Variants in CCDC169 observed in about 807,000 individuals in gnomAD.
CCDC169 encodes coiled-coil domain containing 169, also known as coiled-coil domain-containing protein 169.
Under a neutral mutation model 36.0 loss-of-function variants are expected in CCDC169, and 30 were observed. That is an observed-to-expected ratio of 0.83 (90% confidence interval 0.62 to 1.13). CCDC169 has a LOEUF of 1.13. CCDC169 is among the 50% of genes most tolerant of loss of function. CCDC169 has a pLI of 0.00. For missense variants in CCDC169, 245 were observed against 245.9 expected (o/e 1.00, Z 0.03); for synonymous variants, 85 against 81.5 (o/e 1.04, Z -0.23).
intron 4 of CCDC169, among the ~76,000 whole-genome samples, chr13:36,263,140 A>G (rs751168651): frequency 1.3e-5 from 2 of 152,150 alleles, no homozygotes; most frequent in Non-Finnish European, 2.9e-5. Context: ...TTTCAAGGCT[A>G]TAGTATGTGT....
intron 7 of CCDC169, among the ~76,000 whole-genome samples, chr13:36,234,526 C>T (rs904526817): frequency 4.6e-5 from 7 of 152,036 alleles, no homozygotes; most frequent in African/African-American, 1.7e-4. Context: ...CCAGACACAT[C>T]ATAATAAAAC....
intron 2 of CCDC169, among the ~76,000 whole-genome samples, chr13:36,286,596 C>A (rs1361348690): frequency 6.6e-6 from 1 of 152,080 alleles, no homozygotes; most frequent in Non-Finnish European, 1.5e-5. Context: ...CTTTGTGCAC[C>A]CTGATCTCTT....
intron 4 of CCDC169, among the ~76,000 whole-genome samples, chr13:36,258,714 C>T (rs2138504390): frequency 6.7e-6 from 1 of 150,222 alleles, no homozygotes; most frequent in East Asian, 2.0e-4. Context: ...AGCATATAAT[C>T]AAGAAATAAG....
At chr13:36,274,619 T>C (rs1175511132) in intron 4 of CCDC169, 2 of 152,306 alleles carry the variant, frequency 1.3e-5, no homozygotes, top group African/African-American at 4.8e-5. Flanking sequence ...AATTCTATTA[T>C]CATAAAAGAG....
At chr13:36,251,737 A>G (rs759288251) in intron 6 of CCDC169, among the ~76,000 whole-genome samples, 31 of 152,248 alleles carry the variant, frequency 2.0e-4, no homozygotes, top group Middle Eastern at 3.4e-3. Flanking sequence ...TCAGGGAGGA[A>G]CCTACAGCTG....
At chr13:36,289,964 G>A (rs1485386983) in intron 2 of CCDC169, among the ~76,000 whole-genome samples, 1 of 152,138 alleles carries the variant, frequency 6.6e-6, no homozygotes, top group African/African-American at 2.4e-5. Flanking sequence ...CAAGGTTATA[G>A]AATCTTTTTA....
At chr13:36,290,776 A>T (rs1342397992) in intron 2 of CCDC169, among the ~76,000 whole-genome samples, 2 of 152,076 alleles carry the variant, frequency 1.3e-5, no homozygotes, top group Non-Finnish European at 2.9e-5. Context: ...AAGATTACTG[A>T]ATACCTGCTC....
chr13:36,257,126 G>A (rs1045882101), intron 4 of CCDC169, among the ~76,000 whole-genome samples: 16 of 152,132 alleles, frequency 1.1e-4, no homozygotes, highest in African/African-American at 2.9e-4. Flanking sequence ...GGAGGTACCC[G>A]GTGTTATAGA....
intron 4 of CCDC169, among the ~76,000 whole-genome samples, chr13:36,258,343 C>A (rs1418811626): frequency 6.6e-6 from 1 of 152,030 alleles, no homozygotes; most frequent in Non-Finnish European, 1.5e-5. Context: ...TGAATAGAGG[C>A]TAGGTAAAAT....
intron 6 of CCDC169, among the ~76,000 whole-genome samples, chr13:36,252,324 A>G (rs534205555): frequency 2.1e-4 from 32 of 152,280 alleles, no homozygotes; most frequent in Admixed American, 2.0e-3. Context: ...TCTTGTCTCA[A>G]TTTCTTACTT....
intron 7 of CCDC169, among the ~76,000 whole-genome samples, chr13:36,239,824 T>TAA (rs1412239721): frequency 1.6e-5 from 2 of 124,082 alleles, no homozygotes; most frequent in African/African-American, 5.3e-5. Context: ...TATCCATGGT[T>TAA]TTACTTTCCA....
intron 7 of CCDC169, among the ~76,000 whole-genome samples, chr13:36,248,025 C>A (rs1872702382): frequency 6.6e-6 from 1 of 152,154 alleles, no homozygotes; most frequent in Admixed American, 6.5e-5. Flanking sequence ...GAGCCATCAA[C>A]ATTGAGGCAA....
chr13:36,290,432 T>C (rs1005146296), intron 2 of CCDC169, among the ~76,000 whole-genome samples: 1 of 152,164 alleles, frequency 6.6e-6, no homozygotes, highest in Non-Finnish European at 1.5e-5. Flanking sequence ...GCAGGGCTTA[T>C]TACCTTTTTG....
chr13:36,268,675 C>T (rs536190359), intron 4 of CCDC169, among the ~76,000 whole-genome samples: 1 of 151,996 alleles, frequency 6.6e-6, no homozygotes, highest in South Asian at 2.1e-4. Context: ...ATCAATGATA[C>T]AAAAATCTGG....
At chr13:36,242,138 T>A (rs1365111678) in intron 7 of CCDC169, among the ~76,000 whole-genome samples, 2 of 152,156 alleles carry the variant, frequency 1.3e-5, no homozygotes, top group Non-Finnish European at 2.9e-5. Context: ...TCATAAATTA[T>A]CCAGTCTCAG....
rs1284049925 is a variant in CCDC169, at chr13:36,297,795, C to G, written c.-76G>C. ...CAAGACATTAAGGGCCACCCAGAAG[C>G]CAGTACGGCACGAGGCGGTGAACCC... On this transcript the variant is annotated 5_prime_UTR_variant, in exon 1 of 8. Transcript: ENST00000239859. 7.2e-7 allele frequency: 1 copy of G among 1,385,394 alleles called. No individual in the cohort carries two copies. The highest frequency in any genetic ancestry group is 2.0e-5 in the Admixed American group (1 of 50,622). The allele number at this position is 1,385,394 out of a possible 1,614,324, so 85.8% of individuals were successfully genotyped here.
At chr13:36,231,929 C>T (rs1870481454) in intron 7 of CCDC169, among the ~76,000 whole-genome samples, 2 of 152,068 alleles carry the variant, frequency 1.3e-5, no homozygotes, top group Admixed American at 1.3e-4. Flanking sequence ...TTGTCATTTT[C>T]TCCTCATTAA....
intron 4 of CCDC169, chr13:36,280,950 A>T (rs1394492454): frequency 1.8e-5 from 3 of 163,342 alleles, no homozygotes; most frequent in African/African-American, 7.2e-5. Context: ...TGTCATGCAC[A>T]CGAAGGTGCC....
chr13:36,243,930 C>T (rs1378555515), intron 7 of CCDC169, among the ~76,000 whole-genome samples: 1 of 152,212 alleles, frequency 6.6e-6, no homozygotes, highest in Non-Finnish European at 1.5e-5. Context: ...CGTAGACCTA[C>T]ATTCTGGTGA....
Sources: allele counts gnomAD v4.1 joint callset (sites outside exome capture counted in the v4.1 genomes callset), GRCh38; gene constraint gnomAD v4.1.1; transcripts MANE v1.5; gene names NCBI Gene and HGNC (gene_info 2026-07-23, HGNC 2026-07-21).